The following GABRR1 variants were observed in gnomAD, a reference collection of about 807,000 sequenced individuals.
The protein encoded by GABRR1 is gamma-aminobutyric acid receptor subunit rho-1.
GABRR1 carries 59 observed loss-of-function variants against 55.5 expected under a neutral mutation model. The observed-to-expected ratio is 1.06, with a 90% CI of 0.86 to 1.32. GABRR1 has a LOEUF of 1.32. Among genes scored for constraint, GABRR1 ranks in the 40% most tolerant of loss-of-function variants. The probability of loss-of-function intolerance (pLI) is 0.00; values close to 1 mark genes in which losing one functional copy is unlikely to be tolerated. For synonymous variants in GABRR1, 213 were observed against 226.0 expected (o/e 0.94, Z 0.51); for missense variants, 602 against 619.1 (o/e 0.97, Z 0.29).
intron 6 of GABRR1, among the ~76,000 whole-genome samples, chr6:89,188,348 G>T (rs966151975): frequency 1.3e-5 from 2 of 152,112 alleles, no homozygotes; most frequent in African/African-American, 2.4e-5. Context: ...TTGAGGAGCT[G>T]TTTTCCCCAG....
intron 1 of GABRR1, among the ~76,000 whole-genome samples, chr6:89,223,701 C>T (rs1773147956): frequency 7.2e-6 from 1 of 138,050 alleles, no homozygotes; most frequent in East Asian, 1.9e-4. Context: ...ACTGCATCCA[C>T]ACCAATATCT....
chr6:89,208,183 G>A (rs180775850), intron 1 of GABRR1, among the ~76,000 whole-genome samples: 37 of 152,312 alleles, frequency 2.4e-4, no homozygotes, highest in African/African-American at 8.2e-4. Flanking sequence ...GGGTGTGTGC[G>A]TGTGTTTAAC....
chr6:89,218,207 T>C (rs980170349), upstream of GABRR1, among the ~76,000 whole-genome samples: 3 of 152,210 alleles, frequency 2.0e-5, no homozygotes, highest in African/African-American at 7.2e-5. Context: ...TGAGCTGACA[T>C]GGTTTTGGTA....
intron 8 of GABRR1, among the ~76,000 whole-genome samples, 190 bp from the exon 9 acceptor site, chr6:89,180,678 C>G (rs1480538636): frequency 6.6e-6 from 1 of 152,064 alleles, no homozygotes; most frequent in African/African-American, 2.4e-5. Context: ...TGTTCCTCTC[C>G]CCCTGCTTCC....
chr6:89,180,128 CT>C (rs1771670868), intron 9 of GABRR1, among the ~76,000 whole-genome samples, 163 bp downstream of exon 9: 1 of 152,112 alleles, frequency 6.6e-6, no homozygotes, highest in African/African-American at 2.4e-5. Context: ...TTCACAATGA[CT>C]TGAAATACAC....
upstream of GABRR1, among the ~76,000 whole-genome samples, chr6:89,218,308 T>C (rs939186935): frequency 3.9e-5 from 6 of 152,148 alleles, no homozygotes; most frequent in African/African-American, 1.4e-4. Flanking sequence ...CAAGATCCAA[T>C]AGAATGAGAA....
upstream of GABRR1, among the ~76,000 whole-genome samples, chr6:89,219,387 C>T (rs994276721): frequency 1.3e-5 from 2 of 152,162 alleles, no homozygotes; most frequent in East Asian, 3.8e-4. Flanking sequence ...GGTTTTGCAA[C>T]GCAAACTTCA....
chr6:89,213,167 G>A (rs577990754), intron 1 of GABRR1, among the ~76,000 whole-genome samples: 25 of 152,146 alleles, frequency 1.6e-4, no homozygotes, highest in Admixed American at 3.9e-4. Context: ...TAAAGAGCCA[G>A]TCACTCTCTG....
intron 5 of GABRR1, among the ~76,000 whole-genome samples, chr6:89,196,850 A>AGAAAGAAAGAAAGAAG (rs1772302212): frequency 7.4e-6 from 1 of 135,772 alleles, no homozygotes; most frequent in Non-Finnish European, 1.6e-5. Context: ...AAAGAAAGAA[A>AGAAAGAAAGAAAGAAG]GAAAGAAAGA....
At chr6:89,202,700 T>A (rs890555956) in intron 2 of GABRR1, among the ~76,000 whole-genome samples, 1 of 151,920 alleles carries the variant, frequency 6.6e-6, no homozygotes, top group African/African-American at 2.4e-5. Flanking sequence ...TATTTTTTAT[T>A]TATTTATTTA....
In GABRR1 at chr6:89,197,934, T is replaced by C; in HGVS notation, c.572+86A>G. ...TGGCAACTACTGAAAAGTTAGAAAGTAGACATTCAGAGCCAAAAACCCAAA... is the reference window on the plus strand; with the variant it reads ...TGGCAACTACTGAAAAGTTAGAAAGCAGACATTCAGAGCCAAAAACCCAAA... On this transcript the variant is annotated intron_variant, in intron 5 of 9. Coordinates refer to ENST00000454853, the MANE Select transcript of GABRR1 (RefSeq NM_002042.5). The C allele has an allele frequency of 2.8e-5, 31 of 1,088,762 alleles. No individual in the cohort carries two copies. In the South Asian group the frequency reaches 3.2e-4, roughly 11 times the overall value. 67.4% of individuals were successfully genotyped at this position (1,088,762 alleles called of 1,614,324 possible). A position where few individuals can be genotyped will look rare whatever the true frequency, so the allele number is the denominator to read the frequency against.
chr6:89,183,560 A>G (rs1242841529), intron 7 of GABRR1, among the ~76,000 whole-genome samples: 1 of 152,214 alleles, frequency 6.6e-6, no homozygotes, highest in Non-Finnish European at 1.5e-5. Flanking sequence ...CTGGTCAAAA[A>G]AGAGGCAAGA....
chr6:89,208,710 A>G (rs1283869514), intron 1 of GABRR1, among the ~76,000 whole-genome samples: 2 of 152,268 alleles, frequency 1.3e-5, no homozygotes, highest in Admixed American at 1.3e-4. Flanking sequence ...TCTGCCCTGC[A>G]GATCTCAGAC....
chr6:89,180,459 T>C lies in GABRR1; in HGVS notation c.979A>G (p.Ile327Val). 1 of 1,614,000 alleles carries C rather than the reference T, an allele frequency of 6.2e-7. No individual in the cohort carries two copies. Among genetic ancestry groups the C allele is most frequent in the African/African-American group, 1.3e-5 (1 of 75,024 alleles). The part of the protein sequence containing the change: ...GITTVLTMST[I>V]ITGVNASMPR... ...ATGGAGGCATTCACGCCCGTGATGA[T>C]GGTGGACATGGTCAGCACCGTTGTG... is the stretch of plus-strand genomic sequence containing the variant. Residue 327 changes from isoleucine (I) to valine (V), a missense_variant, in exon 9 of 10, where the codon ATC becomes GTC. This residue lies in a region of GABRR1 where 435 missense variants were observed against 424.2 expected (regional missense o/e 1.03). Transcript: ENST00000454853.
intron 1 of GABRR1, among the ~76,000 whole-genome samples, chr6:89,214,599 C>G (rs1772932294): frequency 6.6e-6 from 1 of 152,124 alleles, no homozygotes; most frequent in African/African-American, 2.4e-5. Flanking sequence ...AGGACTTGAA[C>G]AGACATTTTT....
intron 3 of GABRR1, among the ~76,000 whole-genome samples, chr6:89,199,656 C>G (rs1249073968): frequency 6.6e-6 from 1 of 152,160 alleles, no homozygotes; most frequent in Non-Finnish European, 1.5e-5. Context: ...GTTATATATG[C>G]TCATCTGAAG....
chr6:89,219,710 A>G (rs144076956), upstream of GABRR1, among the ~76,000 whole-genome samples: 475 of 152,348 alleles, frequency 3.1e-3, 3 homozygotes, highest in African/African-American at 0.01. Flanking sequence ...ATAGTAACGC[A>G]TAGCTTTCCT....
rs777264011 is a variant in GABRR1 at position 89,199,404 on chromosome 6, A to G, written c.306T>C (p.Asp102=). ...TGCTATCCAAACTCTCCACCTGCAC[A>G]TCCACACCAACAGGAATGGCAGGGC... is the stretch of plus-strand genomic sequence containing the variant. The part of the protein sequence containing the change: ...FGGPAIPVGV[D]VQVESLDSIS... Residue 102 remains aspartate, a synonymous_variant, in exon 4 of 10, where the codon GAT becomes GAC. Coordinates refer to ENST00000454853, the MANE Select transcript of GABRR1 (RefSeq NM_002042.5). 6.2e-7 allele frequency: 1 copy of G among 1,614,036 alleles called. No individual in the cohort carries two copies. The highest frequency in any genetic ancestry group is 8.5e-7 in the Non-Finnish European group (1 of 1,179,936).
intron 6 of GABRR1, among the ~76,000 whole-genome samples, chr6:89,186,036 C>T (rs1327966326): frequency 6.6e-6 from 1 of 152,220 alleles, no homozygotes; most frequent in African/African-American, 2.4e-5. Flanking sequence ...TCTGGTGCTA[C>T]CATTTCCCCT....
Sources: allele counts gnomAD v4.1 joint callset (sites outside exome capture counted in the v4.1 genomes callset), GRCh38; gene constraint gnomAD v4.1.1; regional missense constraint gnomAD v4.1.1; transcripts MANE v1.5; gene names NCBI Gene and HGNC (gene_info 2026-07-23, HGNC 2026-07-21).